The following ATG16L2 variants were observed in gnomAD, a reference collection of about 807,000 sequenced individuals.
ATG16L2 encodes autophagy related 16 like 2.
In ATG16L2, 77 loss-of-function variants were observed where a neutral mutation model predicts 84.7. The observed-to-expected ratio is 0.91, with a 90% CI of 0.76 to 1.10. The LOEUF (loss-of-function observed/expected upper bound fraction) is 1.10, where lower values mean the gene tolerates loss of function less well. ATG16L2 is among the 50% of genes least tolerant of loss of function. The probability of loss-of-function intolerance (pLI) is 0.00; values close to 1 mark genes in which losing one functional copy is unlikely to be tolerated. For missense variants in ATG16L2, 782 were observed against 817.6 expected (o/e 0.96, Z 0.53); for synonymous variants, 361 against 342.8 (o/e 1.05, Z -0.59).
intron 5 of ATG16L2, chr11:72,841,691 T>C (rs1860957797): frequency 1.2e-5 from 14 of 1,181,858 alleles, no homozygotes; most frequent in African/African-American, 7.8e-5. Flanking sequence ...GCTAAGCTGA[T>C]TGTTGAAACT....
intron 13 of ATG16L2, 132 bp downstream of exon 13, chr11:72,826,955 G>T: frequency 9.1e-7 from 1 of 1,104,242 alleles, no homozygotes; most frequent in East Asian, 2.6e-5. Flanking sequence ...ACCTCTCAAG[G>T]CCCTCCAATT....
exon 6 of ATG16L2, chr11:72,842,880 A>G: frequency 6.5e-7 from 1 of 1,549,798 alleles, no homozygotes; most frequent in South Asian, 1.1e-5. Flanking sequence ...TAAGATAATT[A>G]ACAGCCGGTT....
intron 5 of ATG16L2, among the ~76,000 whole-genome samples, chr11:72,834,798 T>G (rs1672442284): frequency 6.6e-6 from 1 of 152,240 alleles, no homozygotes; most frequent in Non-Finnish European, 1.5e-5. Context: ...TTGGTCAGGC[T>G]GGTCTCAAAC....
At chr11:72,827,144 A>T (rs773683959) in intron 13 of ATG16L2, 44 bp from the exon 14 acceptor site, 1 of 1,516,772 alleles carries the variant, frequency 6.6e-7, no homozygotes, top group South Asian at 1.1e-5. Context: ...GTGGCTCCCG[A>T]CAACCCTCCT....
At chr11:72,825,176 A>C in intron 9 of ATG16L2, 126 bp from the exon 10 acceptor site, 1 of 722,954 alleles carries the variant, frequency 1.4e-6, no homozygotes, top group Non-Finnish European at 2.3e-6. Context: ...GGACAGAGAA[A>C]CTGGGGAGGG....
At chr11:72,826,481 G>A (rs189813896) in intron 11 of ATG16L2, 37 bp from the exon 12 acceptor site, 56 of 1,612,576 alleles carry the variant, frequency 3.5e-5, no homozygotes, top group African/African-American at 2.3e-4. Flanking sequence ...TGTTGCCTCC[G>A]GCTTAGCACC....
intron 5 of ATG16L2, among the ~76,000 whole-genome samples, chr11:72,839,529 G>A (rs1860842418): frequency 6.6e-6 from 1 of 152,150 alleles, no homozygotes; most frequent in Admixed American, 6.6e-5. Context: ...AGGGGAAGTA[G>A]AGAAGTGGAA....
intron 8 of ATG16L2, 161 bp downstream of exon 8, chr11:72,824,283 A>C: frequency 1.2e-6 from 1 of 805,404 alleles, no homozygotes; most frequent in Non-Finnish European, 2.0e-6. Context: ...GAATGGCCTC[A>C]GCCCCGGCCC....
At chr11:72,826,008 T>C (rs1860323475) in intron 10 of ATG16L2, among the ~76,000 whole-genome samples, 165 bp from the exon 11 acceptor site, 2 of 152,124 alleles carry the variant, frequency 1.3e-5, no homozygotes, top group East Asian at 1.9e-4. Flanking sequence ...AGGGGAGGTG[T>C]AGTCTCCAGC....
rs138910593 is a variant in ATG16L2, at chr11:72,828,953, A to T, written c.1741A>T (p.Lys581Ter). Reference sequence around the variant, plus strand: ...TTACATCTGGGATGTGGACACCGGGAAACTGGAGAGCAGACTACAGGGACC... The same window carrying T: ...TTACATCTGGGATGTGGACACCGGGTAACTGGAGAGCAGACTACAGGGACC... ...ALYIWDVDTG[K>*]LESRLQGPHC... The change falls in exon 17 of 18, where the codon AAA becomes TAA. Residue 581 changes from lysine (K) to a stop codon, truncating the protein, a stop_gained. Transcript: ENST00000321297. LOFTEE classifies it high-confidence loss of function. 2.9e-5 allele frequency: 47 copies of T among 1,613,942 alleles called. No homozygotes were observed. The highest frequency in any genetic ancestry group is 3.4e-5 in the Non-Finnish European group (40 of 1,179,998).
At chr11:72,837,849 G>C (rs979782010) in intron 5 of ATG16L2, 3 of 152,226 alleles carry the variant, frequency 2.0e-5, no homozygotes, top group African/African-American at 7.2e-5. Flanking sequence ...CGGTCTGCTG[G>C]CTTGGGAATA....
At chr11:72,841,389 T>G in intron 5 of ATG16L2, 1 of 1,315,230 alleles carries the variant, frequency 7.6e-7, no homozygotes, top group Non-Finnish European at 1.0e-6. Context: ...TTTTTGCCCT[T>G]CAGGCGAATA....
chr11:72,815,721 T>C (rs1397233408), intron 1 of ATG16L2, among the ~76,000 whole-genome samples: 1 of 152,094 alleles, frequency 6.6e-6, no homozygotes, highest in Non-Finnish European at 1.5e-5. Context: ...TCATGAGAAC[T>C]AGGCCAGGCC....
rs1220028136 is a variant in ATG16L2, at chr11:72,826,738, T to C, written c.1281T>C (p.Ala427=). The C allele has an allele frequency of 6.2e-7, 1 of 1,614,000 alleles. No homozygotes were observed. The highest frequency in any genetic ancestry group is 2.2e-5 in the East Asian group (1 of 44,886). Residue 427 remains alanine (A), a synonymous_variant, in exon 13 of 18, where the codon GCT becomes GCC. Transcript: ENST00000321297. ...CTGGACACAAGGATAAGGTGACAGC[T>C]GCCAAATTCAAGCTAACGAGGCACC... ...TLSGHKDKVT[A]AKFKLTRHQA... is the part of the protein sequence containing the mutation.
chr11:72,826,804 G>A lies in ATG16L2; in HGVS notation c.1347G>A (p.Trp449Ter). 6.2e-7 allele frequency: 1 copy of A among 1,613,826 alleles called. No homozygotes were observed. Among genetic ancestry groups the A allele is most frequent in the East Asian group, 2.2e-5 (1 of 44,882 alleles). ...TGSRDRTVKE[W>*]DLGRAYCSRT... ...GCCGCGACCGGACAGTGAAGGAGTG[G>A]GACCTCGGCCGTGCCTATTGTGAGC... The change falls in exon 13 of 18, where the codon TGG becomes TGA. Residue 449 changes from tryptophan to a stop codon, truncating the protein, a stop_gained. Coordinates refer to ENST00000321297, the MANE Select transcript of ATG16L2 (RefSeq NM_033388.2). LOFTEE classifies it high-confidence loss of function.
At chr11:72,833,360 C>T (rs1295626480), downstream of ATG16L2, among the ~76,000 whole-genome samples, 1 of 152,202 alleles carries the variant, frequency 6.6e-6, no homozygotes, top group Non-Finnish European at 1.5e-5. Context: ...CTGTACATTA[C>T]CCTATTTCAT....
In ATG16L2 at chr11:72,829,391, G is replaced by A; in HGVS notation, c.*1G>A. ...CAGGAAGGTTGTGCTCTGGCAGTAG[G>A]GCCACGACCTGCCTGCCTGGGCTGG... On this transcript the variant is annotated 3_prime_UTR_variant, in exon 18 of 18. Transcript: ENST00000321297. 3 of 1,609,086 alleles carry A rather than the reference G, an allele frequency of 1.9e-6. No individual in the cohort carries two copies. In the South Asian group the frequency reaches 3.3e-5, roughly 18 times the overall value.
In ATG16L2 at chr11:72,814,466, C is replaced by T. The variant is rs1389395057; in HGVS notation, c.21C>T (p.Pro7=). ...CGGCCATGGCGGGGCCGGGCGTCCC[C>T]GGTGCCCCCGCAGCGCGCTGGAAAC... The part of the protein sequence containing the change: MAGPGV[P]GAPAARWKRH... Residue 7 remains proline, a synonymous_variant, in exon 1 of 18, where the codon CCC becomes CCT. Coordinates refer to ENST00000321297, the MANE Select transcript of ATG16L2 (RefSeq NM_033388.2). The T allele has an allele frequency of 1.3e-6, 2 of 1,512,996 alleles. No homozygotes were observed. Among genetic ancestry groups the T allele is most frequent in the South Asian group, 1.2e-5 (1 of 81,226 alleles). 93.7% of individuals were successfully genotyped at this position (1,512,996 alleles called of 1,614,324 possible).
intron 5 of ATG16L2, chr11:72,838,718 G>T: frequency 3.2e-6 from 4 of 1,239,254 alleles, no homozygotes; most frequent in Non-Finnish European, 4.6e-6. Context: ...ATGCAAAGGT[G>T]CCTAAAAAAC....
Sources: gnomAD v4.1 joint callset for allele counts (sites outside exome capture counted in the v4.1 genomes callset) on GRCh38, gnomAD v4.1.1 for gene constraint, MANE v1.5 for transcripts, NCBI Gene and HGNC (gene_info 2026-07-23, HGNC 2026-07-21) for gene names.